The following NNT variants were observed in gnomAD, a reference collection of about 807,000 sequenced individuals.
NNT encodes nicotinamide nucleotide transhydrogenase.
Under a neutral mutation model 104.8 loss-of-function variants are expected in NNT, and 50 were observed. The observed-to-expected ratio is 0.48, with a 90% CI of 0.38 to 0.60. NNT has a LOEUF of 0.60. Among genes scored for constraint, NNT ranks in the 20% least tolerant of loss-of-function variants. The pLI, the probability that NNT is intolerant of heterozygous loss-of-function variation, is 0.00. For missense variants in NNT, 1,131 were observed against 1,330.7 expected (o/e 0.85, Z 2.33); for synonymous variants, 461 against 490.4 (o/e 0.94, Z 0.79).
In NNT at chr5:43,681,207, C is replaced by G. The variant is rs533438137; in HGVS notation, c.2876+3401C>G. Among the ~76,000 whole-genome samples the G allele has an allele frequency of 6.8e-5, 10 of 146,120 alleles. No homozygotes were observed. The South Asian group carries it at 2.0e-3, about 29-fold the overall frequency. On this transcript the variant is annotated intron_variant, in intron 19 of 21. Coordinates refer to ENST00000344920, the MANE Select transcript of NNT (RefSeq NM_182977.3). ...CCCAGGAGGTGGAGCTCGCAGTGAGCCAAGATCGTGCCATTGCACTCCAGC... is the reference window on the plus strand; with the variant it reads ...CCCAGGAGGTGGAGCTCGCAGTGAGGCAAGATCGTGCCATTGCACTCCAGC...
chr5:43,659,432 TA>T, intron 17 of NNT, 82 bp downstream of exon 17: 1 of 1,181,980 alleles, frequency 8.5e-7, no homozygotes, highest in Non-Finnish European at 1.2e-6. Flanking sequence ...TTATTACCCA[TA>T]AAAATGAATA....
intron 5 of NNT, among the ~76,000 whole-genome samples, chr5:43,620,292 T>C (rs529342428): frequency 1.3e-5 from 2 of 152,156 alleles, no homozygotes; most frequent in South Asian, 4.1e-4. Context: ...TGATCTCGGC[T>C]CACTGCAAGC....
chr5:43,621,193 G>T (rs2111624179), intron 5 of NNT, among the ~76,000 whole-genome samples: 1 of 152,368 alleles, frequency 6.6e-6, no homozygotes, highest in South Asian at 2.1e-4. Context: ...GCCCAGGACG[G>T]TTTTGAATGC....
chr5:43,658,134 C>CA (rs985130134), intron 16 of NNT, among the ~76,000 whole-genome samples: 61 of 147,748 alleles, frequency 4.1e-4, no homozygotes, highest in Admixed American at 1.0e-3. Context: ...GACTCTGTCT[C>CA]AAAAAAAAAG....
At chr5:43,677,422 G>GAGAGAC (rs1741476133) in intron 18 of NNT, among the ~76,000 whole-genome samples, 1 of 151,158 alleles carries the variant, frequency 6.6e-6, no homozygotes, top group Non-Finnish European at 1.5e-5. Flanking sequence ...GAGAGAGAGA[G>GAGAGAC]AGAGACAGAG....
At chr5:43,632,917 G>A (rs556495726) in intron 7 of NNT, among the ~76,000 whole-genome samples, 116 of 152,174 alleles carry the variant, frequency 7.6e-4, no homozygotes, top group Non-Finnish European at 1.3e-3. Context: ...TGATAAGTAC[G>A]TTGGGGAGGG....
chr5:43,675,750 T>G (rs1741382637), intron 18 of NNT, 80 bp downstream of exon 18: 2 of 1,095,862 alleles, frequency 1.8e-6, no homozygotes, highest in Non-Finnish European at 2.4e-6. Context: ...AATAGGAAAG[T>G]AGAATTGAAA....
At position 43,705,672 on chromosome 5, in the gene NNT, G is replaced by C. The variant is rs1171286929; in HGVS notation, c.*1268G>C. 2 of 151,966 alleles carry C rather than the reference G, an allele frequency of 1.3e-5. No individual in the cohort carries two copies. The highest frequency in any genetic ancestry group is 2.9e-5 in the Non-Finnish European group (2 of 67,926). The allele number at this position is 151,966 out of a possible 1,614,324, so 9.4% of individuals were successfully genotyped here. On this transcript the variant is annotated 3_prime_UTR_variant, in exon 22 of 22. Transcript: ENST00000344920. ...CAGAAAAAGAAGTAGTACAAATTTT[G>C]TTACTGTAATGCTCGCGTTTAGTGA...
At chr5:43,606,455 A>G (rs1749230960) in intron 1 of NNT, among the ~76,000 whole-genome samples, 1 of 152,246 alleles carries the variant, frequency 6.6e-6, no homozygotes, top group Non-Finnish European at 1.5e-5. Context: ...GATGTGACCC[A>G]TGAATGAATG....
rs182952883 is a variant in NNT at position 43,703,523 on chromosome 5, C to T, written c.3112-732C>T. 8.4e-4 allele frequency among the ~76,000 whole-genome samples: 128 copies of T among 152,186 alleles called. 1 individual carries two copies. Among genetic ancestry groups the T allele is most frequent in the African/African-American group, 2.3e-3 (97 of 41,546 alleles). On this transcript the variant is annotated intron_variant, in intron 21 of 21. Transcript: ENST00000344920. Reference sequence around the variant, plus strand: ...TTTGTAGAGTGCATTACTATACTAACGCTATAAGAAGAAGAATACATTTGC... The same window carrying T: ...TTTGTAGAGTGCATTACTATACTAATGCTATAAGAAGAAGAATACATTTGC...
At chr5:43,605,749 A>G (rs1475369308) in intron 1 of NNT, among the ~76,000 whole-genome samples, 1 of 152,098 alleles carries the variant, frequency 6.6e-6, no homozygotes, top group Non-Finnish European at 1.5e-5. Flanking sequence ...TTTCAGGGCC[A>G]TTTGTATTTG....
intron 1 of NNT, among the ~76,000 whole-genome samples, chr5:43,607,477 T>C (rs1175251869): frequency 6.6e-6 from 1 of 152,142 alleles, no homozygotes; most frequent in African/African-American, 2.4e-5. Flanking sequence ...CCTATAAAAC[T>C]GCCCCACCCC....
chr5:43,697,333 T>A (rs143296430), intron 19 of NNT, among the ~76,000 whole-genome samples: 1 of 152,290 alleles, frequency 6.6e-6, no homozygotes, highest in East Asian at 1.9e-4. Context: ...AACAAGTTCC[T>A]CATCTCCATC....
chr5:43,645,143 T>C lies in NNT; in HGVS notation c.1291-214T>C, dbSNP rs1167040032. Among the ~76,000 whole-genome samples the C allele has an allele frequency of 2.6e-5, 4 of 152,212 alleles. No homozygotes were observed. In the East Asian group the frequency reaches 7.7e-4, roughly 29 times the overall value. On this transcript the variant is annotated intron_variant, in intron 9 of 21. Coordinates refer to ENST00000344920, the MANE Select transcript of NNT (RefSeq NM_182977.3). The stretch of plus-strand genomic sequence containing the variant: ...TATATGGTCCTGTACACATACAAAT[T>C]ACATATATATGATTGTATATGTAAC...
chr5:43,656,317 T>TA (rs377730043), intron 15 of NNT, among the ~76,000 whole-genome samples: 37 of 152,040 alleles, frequency 2.4e-4, no homozygotes, highest in Middle Eastern at 6.8e-3. Context: ...TAAAAAAGAT[T>TA]AAAAAAAATG....
chr5:43,652,161 G>T (rs971343608), intron 13 of NNT, among the ~76,000 whole-genome samples: 2 of 152,122 alleles, frequency 1.3e-5, no homozygotes, highest in Non-Finnish European at 2.9e-5. Context: ...AGGAGTTAAG[G>T]TTATCAGTAT....
intron 17 of NNT, among the ~76,000 whole-genome samples, chr5:43,672,314 C>T (rs1333297558): frequency 1.3e-5 from 2 of 151,904 alleles, no homozygotes; most frequent in African/African-American, 4.8e-5. Flanking sequence ...CAGCTTTGTT[C>T]CATTGCTGGC....
At chr5:43,673,188 T>C (rs980570189) in intron 17 of NNT, among the ~76,000 whole-genome samples, 4 of 152,192 alleles carry the variant, frequency 2.6e-5, no homozygotes, top group Admixed American at 1.3e-4. Context: ...CCATCACCGC[T>C]TCCCTTGGCT....
At chr5:43,643,665 GT>G (rs1011166553) in intron 7 of NNT, among the ~76,000 whole-genome samples, 2 of 152,092 alleles carry the variant, frequency 1.3e-5, no homozygotes, top group African/African-American at 4.8e-5. Context: ...TCTCCTCAAA[GT>G]TTTCTGTGTT....
Sources: allele counts gnomAD v4.1 joint callset (sites outside exome capture counted in the v4.1 genomes callset), GRCh38; gene constraint gnomAD v4.1.1; transcripts MANE v1.5; gene names NCBI Gene and HGNC (gene_info 2026-07-23, HGNC 2026-07-21).